Variants in NAA15 observed in about 807,000 individuals in gnomAD.
NAA15 encodes the protein N-alpha-acetyltransferase 15, NatA auxiliary subunit.
In NAA15, 34 loss-of-function variants were observed where a neutral mutation model predicts 114.0. The observed-to-expected ratio is 0.30, with a 90% CI of 0.23 to 0.40. The LOEUF (loss-of-function observed/expected upper bound fraction) is 0.40. NAA15 is among the 10% of genes least tolerant of loss of function. The pLI is 1.00. For synonymous variants in NAA15, 340 were observed against 338.0 expected, an observed-to-expected ratio of 1.01 and a Z score of -0.06; for missense variants, 658 against 1,004.5, an observed-to-expected ratio of 0.66 and a Z score of 4.66.
chr4:139,325,307 C>A (rs547539629), intron 1 of NAA15, among the ~76,000 whole-genome samples: 1 of 152,074 alleles, frequency 6.6e-6, no homozygotes, highest in Non-Finnish European at 1.5e-5. Context: ...GTTTAATAAC[C>A]TTTAACATTT....
At chr4:139,341,699 CT>C (rs1235552703) in intron 4 of NAA15, among the ~76,000 whole-genome samples, 1 of 143,026 alleles carries the variant, frequency 7.0e-6, no homozygotes, top group Non-Finnish European at 1.5e-5. Flanking sequence ...CCACATTTTT[CT>C]GGAAAGCAAA....
At chr4:139,341,127 A>G in intron 4 of NAA15, 58 bp downstream of exon 4, 1 of 1,205,614 alleles carries the variant, frequency 8.3e-7, no homozygotes, top group Non-Finnish European at 1.1e-6. Flanking sequence ...TACAACTTTG[A>G]GTACTTTCAG....
At chr4:139,319,003 T>C (rs143105346) in intron 1 of NAA15, among the ~76,000 whole-genome samples, 1,798 of 152,108 alleles carry the variant, frequency 0.012, 12 homozygotes, top group East Asian at 0.029. Flanking sequence ...AAAACATTTT[T>C]GTAGGCCGGG....
chr4:139,381,635 C>T (rs17050755), intron 17 of NAA15, among the ~76,000 whole-genome samples: 40,091 of 151,806 alleles, frequency 0.26, 5,601 homozygotes, highest in African/African-American at 0.35. Flanking sequence ...TAATCACTTA[C>T]TCGGTTGTAC....
intron 15 of NAA15, 62 bp downstream of exon 15, chr4:139,370,466 TA>T: frequency 6.9e-7 from 1 of 1,457,220 alleles, no homozygotes; most frequent in Non-Finnish European, 9.1e-7. Flanking sequence ...TTGTCATTTT[TA>T]TACTGTCTTA....
At chr4:139,369,190 T>C (rs1748364886) in intron 14 of NAA15, among the ~76,000 whole-genome samples, 1 of 152,196 alleles carries the variant, frequency 6.6e-6, no homozygotes, top group African/African-American at 2.4e-5. Flanking sequence ...GCAAAATATA[T>C]TAGCCATAGT....
intron 5 of NAA15, 43 bp downstream of exon 5, chr4:139,343,003 A>G: frequency 6.5e-7 from 1 of 1,538,958 alleles, no homozygotes. Context: ...TCCTAAGTAT[A>G]ACTAAAAAAA....
At chr4:139,375,652 TA>T (rs1297050068) in intron 15 of NAA15, among the ~76,000 whole-genome samples, 1 of 152,156 alleles carries the variant, frequency 6.6e-6, no homozygotes, top group Non-Finnish European at 1.5e-5. Context: ...GCCCTTCTGA[TA>T]AATATGGTGG....
intron 19 of NAA15, among the ~76,000 whole-genome samples, chr4:139,386,943 T>C (rs1748924943): frequency 6.6e-6 from 1 of 152,206 alleles, no homozygotes; most frequent in South Asian, 2.1e-4. Context: ...TACTGTAGTT[T>C]AAACTAGAAA....
intron 1 of NAA15, among the ~76,000 whole-genome samples, chr4:139,302,903 A>G (rs945567568): frequency 1.3e-5 from 2 of 152,198 alleles, no homozygotes; most frequent in African/African-American, 2.4e-5. Flanking sequence ...CTTTCACGCA[A>G]ACGTTTCCTT....
intron 1 of NAA15, among the ~76,000 whole-genome samples, chr4:139,308,883 C>G (rs886971155): frequency 6.6e-6 from 1 of 152,028 alleles, no homozygotes; most frequent in Admixed American, 6.5e-5. Context: ...CTCCCAAGTG[C>G]TGGGATTACA....
At chr4:139,336,239 A>G (rs1322967402) in intron 2 of NAA15, among the ~76,000 whole-genome samples, 1 of 152,218 alleles carries the variant, frequency 6.6e-6, no homozygotes, top group East Asian at 1.9e-4. Flanking sequence ...CATAGGATAC[A>G]TATAAAATTA....
intron 17 of NAA15, among the ~76,000 whole-genome samples, chr4:139,384,554 GTA>G (rs1351879586): frequency 6.6e-6 from 1 of 152,104 alleles, no homozygotes; most frequent in Non-Finnish European, 1.5e-5. Flanking sequence ...TCTTGTCTTT[GTA>G]TATAATTGCC....
chr4:139,335,965 G>T (rs1204828612), intron 2 of NAA15, among the ~76,000 whole-genome samples: 1 of 152,002 alleles, frequency 6.6e-6, no homozygotes, highest in African/African-American at 2.4e-5. Flanking sequence ...CACCATGTTG[G>T]CCAGGCTGAT....
At chr4:139,386,767 G>A (rs1450737) in intron 19 of NAA15, among the ~76,000 whole-genome samples, 81,763 of 151,902 alleles carry the variant, frequency 0.54, 24,290 homozygotes, top group African/African-American at 0.81. Flanking sequence ...AGCTGCAGTG[G>A]GCTGTGATTG....
intron 1 of NAA15, among the ~76,000 whole-genome samples, chr4:139,333,297 T>C (rs1579100953): frequency 6.6e-6 from 1 of 152,344 alleles, no homozygotes; most frequent in East Asian, 1.9e-4. Context: ...ACTCTGACTT[T>C]TGAAGGCCGT....
At chr4:139,344,699 A>G (rs1560967031) in intron 6 of NAA15, among the ~76,000 whole-genome samples, 2 of 152,262 alleles carry the variant, frequency 1.3e-5, no homozygotes, top group African/African-American at 2.4e-5. Flanking sequence ...TTAATAAACT[A>G]TAGTGTATGT....
intron 15 of NAA15, 72 bp from the exon 16 acceptor site, chr4:139,376,293 T>C (rs1441879406): frequency 3.1e-6 from 3 of 961,330 alleles, no homozygotes; most frequent in East Asian, 2.6e-5. Context: ...AAAATAAGAA[T>C]TTTTAGTAGA....
intron 15 of NAA15, among the ~76,000 whole-genome samples, chr4:139,371,965 G>A (rs1748454397): frequency 6.6e-6 from 1 of 152,094 alleles, no homozygotes; most frequent in African/African-American, 2.4e-5. Flanking sequence ...ACCCAGGCTG[G>A]AGTGCAGTGG....
Sources: gnomAD v4.1 joint callset for allele counts (sites outside exome capture counted in the v4.1 genomes callset) on GRCh38, gnomAD v4.1.1 for gene constraint, MANE v1.5 for transcripts, NCBI Gene and HGNC (gene_info 2026-07-23, HGNC 2026-07-21) for gene names.